Variants in DLGAP2 observed in about 807,000 individuals in gnomAD.
DLGAP2 encodes the protein DLG associated protein 2, also known as disks large-associated protein 2.
A neutral mutation model predicts 100.3 loss-of-function variants in DLGAP2; 26 were observed. The ratio of observed to expected loss-of-function variants is 0.26; its 90% CI spans 0.19 to 0.36. The LOEUF is 0.36. DLGAP2 is among the 10% of genes least tolerant of loss of function. DLGAP2 has a pLI of 1.00. For missense variants in DLGAP2, 1,858 were observed against 1,453.2 expected, an observed-to-expected ratio of 1.28 and a Z score of -4.53; for synonymous variants, 886 against 630.1, an observed-to-expected ratio of 1.41 and a Z score of -6.08.
intron 2 of DLGAP2, among the ~76,000 whole-genome samples, chr8:913,202 C>G (rs140982556): frequency 1.3e-5 from 2 of 152,158 alleles, no homozygotes; most frequent in Non-Finnish European, 2.9e-5. Flanking sequence ...GCATGTAGAG[C>G]TGTTGAAACA....
At chr8:1,201,995 G>T (rs1321655498) in intron 2 of DLGAP2, among the ~76,000 whole-genome samples, 1 of 151,652 alleles carries the variant, frequency 6.6e-6, no homozygotes, top group Non-Finnish European at 1.5e-5. Context: ...TGTATATGTG[G>T]TGTGTGTGTA....
At chr8:1,086,431 A>G (rs1803976498) in intron 2 of DLGAP2, among the ~76,000 whole-genome samples, 1 of 152,162 alleles carries the variant, frequency 6.6e-6, no homozygotes, top group Non-Finnish European at 1.5e-5. Context: ...ATTGAGGTAC[A>G]TTCATTCTAT....
At chr8:1,497,291 C>T (rs1048868990) in intron 3 of DLGAP2, among the ~76,000 whole-genome samples, 32 of 152,350 alleles carry the variant, frequency 2.1e-4, no homozygotes, top group Middle Eastern at 3.4e-3. Flanking sequence ...ACCGATCAGC[C>T]TCACACATGG....
At chr8:749,417 T>C (rs1311037972) in intron 1 of DLGAP2, among the ~76,000 whole-genome samples, 1 of 152,254 alleles carries the variant, frequency 6.6e-6, no homozygotes, top group Admixed American at 6.5e-5. Context: ...CTTTCCAGAC[T>C]TCTCCTAATT....
In DLGAP2 at chr8:762,036, G is replaced by T. The variant is rs377431856; in HGVS notation, c.18+24211G>T. On this transcript the variant is annotated intron_variant, in intron 1 of 14. Coordinates refer to ENST00000637795, the MANE Select transcript of DLGAP2 (RefSeq NM_001346810.2). ...TCCAGAATATTTACGATGATAGGTC[G>T]CTGTGGGTTTTGGCGTATATCTTCC... 4.9e-4 allele frequency among the ~76,000 whole-genome samples: 74 copies of T among 152,250 alleles called. No individual in the cohort carries two copies. In the South Asian group the frequency reaches 0.015, roughly 30 times the overall value.
intron 1 of DLGAP2, among the ~76,000 whole-genome samples, chr8:851,705 T>C (rs2128987774): frequency 6.6e-6 from 1 of 152,316 alleles, no homozygotes; most frequent in Admixed American, 6.5e-5. Context: ...TTGTGTGATT[T>C]GTGGCTATGG....
chr8:1,453,028 C>T (rs1242652256), intron 3 of DLGAP2, among the ~76,000 whole-genome samples: 2 of 152,142 alleles, frequency 1.3e-5, no homozygotes, highest in African/African-American at 4.8e-5. Flanking sequence ...CACTGAGTGC[C>T]ATCTGTGAAG....
chr8:1,025,794 T>C (rs971433969), intron 2 of DLGAP2, among the ~76,000 whole-genome samples: 5 of 152,178 alleles, frequency 3.3e-5, no homozygotes, highest in African/African-American at 1.2e-4. Flanking sequence ...ACGGTCGCAA[T>C]GGCTCTGAGG....
intron 2 of DLGAP2, among the ~76,000 whole-genome samples, chr8:1,123,699 C>T (rs1427427611): frequency 1.3e-5 from 2 of 152,034 alleles, no homozygotes; most frequent in Non-Finnish European, 2.9e-5. Context: ...CTATGTACAA[C>T]CTCTTTTTCT....
At chr8:1,053,936 C>G (rs979027368) in intron 2 of DLGAP2, among the ~76,000 whole-genome samples, 1 of 151,976 alleles carries the variant, frequency 6.6e-6, no homozygotes, top group African/African-American at 2.4e-5. Context: ...AAAAATGATC[C>G]CTTTGATGAA....
chr8:900,996 A>C lies in DLGAP2; in HGVS notation c.19-6916A>C, dbSNP rs1408678833. Among the ~76,000 whole-genome samples the C allele has an allele frequency of 5.9e-5, 9 of 152,362 alleles. No individual in the cohort carries two copies. In the South Asian group the frequency reaches 1.7e-3, roughly 28 times the overall value. ...AAACTATATTACATAGTTTTAAAAG[A>C]CAAGTCGGGGTAGGTTGGGTGTAGT... On this transcript the variant is annotated intron_variant, in intron 1 of 14. Coordinates refer to ENST00000637795, the MANE Select transcript of DLGAP2 (RefSeq NM_001346810.2).
At chr8:1,322,037 G>A (rs1209426205) in intron 3 of DLGAP2, among the ~76,000 whole-genome samples, 4 of 152,062 alleles carry the variant, frequency 2.6e-5, no homozygotes, top group Admixed American at 2.6e-4. Flanking sequence ...TCTCCAATGG[G>A]TTTTAATTTT....
intron 2 of DLGAP2, among the ~76,000 whole-genome samples, chr8:1,179,506 C>A (rs548651999): frequency 6.6e-6 from 1 of 152,388 alleles, no homozygotes; most frequent in South Asian, 2.1e-4. Flanking sequence ...CCCACAGGCA[C>A]CTGGCTGCTG....
chr8:1,362,898 G>A (rs576939345), intron 3 of DLGAP2, among the ~76,000 whole-genome samples: 22 of 152,150 alleles, frequency 1.4e-4, no homozygotes, highest in Middle Eastern at 3.4e-3. Flanking sequence ...TTCTCTTCTC[G>A]TCTTTCCCGT....
Position 1,390,478 on chromosome 8 carries a change from G to A in DLGAP2, c.107-110888G>A, listed in dbSNP as rs74452547. 3.6e-3 allele frequency among the ~76,000 whole-genome samples: 552 copies of A among 152,226 alleles called. 11 individuals are homozygous for A. The East Asian group carries it at 0.051, about 14-fold the overall frequency. On this transcript the variant is annotated intron_variant, in intron 3 of 14. Coordinates refer to ENST00000637795, the MANE Select transcript of DLGAP2 (RefSeq NM_001346810.2). Reference sequence around the variant, plus strand: ...GGGTTAGTTCCAGGCCCACCTACAAGCCCTTCCTGTCCATTCTGGGACCTC... The same window carrying A: ...GGGTTAGTTCCAGGCCCACCTACAAACCCTTCCTGTCCATTCTGGGACCTC...
intron 3 of DLGAP2, among the ~76,000 whole-genome samples, chr8:1,343,669 T>C (rs1422765362): frequency 6.6e-6 from 1 of 151,194 alleles, no homozygotes; most frequent in Non-Finnish European, 1.5e-5. Context: ...GGGAAATGGT[T>C]CCGCAGTCAG....
chr8:785,024 G>T (rs1320382849), intron 1 of DLGAP2, among the ~76,000 whole-genome samples: 2 of 151,822 alleles, frequency 1.3e-5, no homozygotes, highest in South Asian at 4.2e-4. Context: ...TGGCTAACAT[G>T]GTGAAACCCC....
Position 1,691,642 on chromosome 8 carries a change from G to A in DLGAP2, c.2796+16G>A, listed in dbSNP as rs371248788. On this transcript the variant is annotated intron_variant, in intron 13 of 14. Coordinates refer to ENST00000637795, the MANE Select transcript of DLGAP2 (RefSeq NM_001346810.2). ...ACAGAATATGGTAAGTGAATCCTCA[G>A]TGAACCCCTGTTCCCTGTAACCAAG... The A allele has an allele frequency of 6.3e-6, 10 of 1,600,000 alleles. No individual in the cohort carries two copies. The African/African-American group carries it at 1.2e-4, about 19-fold the overall frequency.
intron 2 of DLGAP2, among the ~76,000 whole-genome samples, chr8:1,210,275 C>T (rs901347565): frequency 2.2e-4 from 34 of 152,134 alleles, no homozygotes; most frequent in African/African-American, 8.2e-4. Context: ...ATGTTGGAAG[C>T]ATGGCAGGGA....
Sources: allele counts gnomAD v4.1 joint callset (sites outside exome capture counted in the v4.1 genomes callset), GRCh38; gene constraint gnomAD v4.1.1; transcripts MANE v1.5; gene names NCBI Gene and HGNC (gene_info 2026-07-23, HGNC 2026-07-21).